Variants in VWC2L observed in about 807,000 individuals in gnomAD.
VWC2L encodes the protein von Willebrand factor C domain-containing protein 2-like.
Under a neutral mutation model 21.6 loss-of-function variants are expected in VWC2L, and 10 were observed. The observed-to-expected ratio is 0.46, with a 90% CI of 0.29 to 0.78. The LOEUF is 0.78. VWC2L is among the 30% of genes least tolerant of loss of function. The pLI is 0.10. For missense variants in VWC2L, 209 were observed against 277.1 expected, an observed-to-expected ratio of 0.75 and a Z score of 1.74; for synonymous variants, 96 against 94.3, an observed-to-expected ratio of 1.02 and a Z score of -0.10.
intron 3 of VWC2L, among the ~76,000 whole-genome samples, chr2:214,464,397 T>C (rs1318747836): frequency 6.6e-6 from 1 of 152,132 alleles, no homozygotes; most frequent in Admixed American, 6.5e-5. Context: ...TGTGGACTCA[T>C]AGAGGTACTG....
chr2:214,544,023 A>G (rs1298754674), intron 3 of VWC2L, among the ~76,000 whole-genome samples: 6 of 152,186 alleles, frequency 3.9e-5, no homozygotes, highest in African/African-American at 9.6e-5. Context: ...CTGCAACCCT[A>G]TGGGGACAAA....
At chr2:214,542,526 A>G (rs1056469617) in intron 3 of VWC2L, among the ~76,000 whole-genome samples, 3 of 152,228 alleles carry the variant, frequency 2.0e-5, no homozygotes, top group African/African-American at 7.2e-5. Flanking sequence ...ATAAATGTGC[A>G]GTTAATGCAA....
At chr2:214,507,657 T>C (rs939654181) in intron 3 of VWC2L, among the ~76,000 whole-genome samples, 1 of 152,192 alleles carries the variant, frequency 6.6e-6, no homozygotes. Flanking sequence ...AATTATTATC[T>C]CTTAATTAGT....
At chr2:214,559,447 G>C (rs1689929228) in intron 3 of VWC2L, among the ~76,000 whole-genome samples, 1 of 152,076 alleles carries the variant, frequency 6.6e-6, no homozygotes, top group Admixed American at 6.6e-5. Flanking sequence ...TTCCACTGCA[G>C]ATAGAAGCTG....
chr2:214,488,758 G>A (rs933898186), intron 3 of VWC2L, among the ~76,000 whole-genome samples: 1 of 152,190 alleles, frequency 6.6e-6, no homozygotes, highest in African/African-American at 2.4e-5. Flanking sequence ...ACAGACTCAG[G>A]CTGTTTCCAC....
At chr2:214,569,170 A>G (rs940164455) in intron 3 of VWC2L, among the ~76,000 whole-genome samples, 1 of 152,172 alleles carries the variant, frequency 6.6e-6, no homozygotes, top group Admixed American at 6.6e-5. Context: ...ACACAGTTCC[A>G]GGGCCTGTGA....
At chr2:214,459,886 A>C (rs1399286952) in intron 3 of VWC2L, among the ~76,000 whole-genome samples, 1 of 84,566 alleles carries the variant, frequency 1.2e-5, no homozygotes, top group African/African-American at 4.7e-5. Context: ...TTCTAGAATT[A>C]TTTCTTTTCC....
chr2:214,539,303 A>G (rs1296481831), intron 3 of VWC2L, among the ~76,000 whole-genome samples: 1 of 152,172 alleles, frequency 6.6e-6, no homozygotes, highest in East Asian at 1.9e-4. Flanking sequence ...ATCACAGAAA[A>G]GTTTATAAAA....
intron 3 of VWC2L, among the ~76,000 whole-genome samples, chr2:214,499,009 CTTTTTTTTT>C (rs56085205): frequency 2.4e-4 from 20 of 83,422 alleles, no homozygotes; most frequent in African/African-American, 7.9e-4. Context: ...TCGTACCATT[CTTTTTTTTT>C]TTTTTTTTTT....
chr2:214,441,560 T>G (rs114131255), intron 3 of VWC2L, among the ~76,000 whole-genome samples: 5,077 of 152,134 alleles, frequency 0.033, 279 homozygotes, highest in African/African-American at 0.12. Flanking sequence ...TGTTATAAAC[T>G]TTTTAAAAGA....
intron 3 of VWC2L, chr2:214,525,284 C>T (rs1414322654): frequency 6.6e-6 from 1 of 152,076 alleles, no homozygotes; most frequent in African/African-American, 2.4e-5. Flanking sequence ...CAGGAGAAGA[C>T]AGGAAGTACA....
intron 3 of VWC2L, among the ~76,000 whole-genome samples, chr2:214,573,303 G>A (rs780748922): frequency 6.6e-6 from 1 of 151,982 alleles, no homozygotes; most frequent in African/African-American, 2.4e-5. Flanking sequence ...TCTGACTGTC[G>A]AATATCCAAA....
chr2:214,507,532 A>C (rs984905448), intron 3 of VWC2L, among the ~76,000 whole-genome samples: 1 of 152,216 alleles, frequency 6.6e-6, no homozygotes, highest in Non-Finnish European at 1.5e-5. Flanking sequence ...GGCATTCCCC[A>C]AGGTCTCCTG....
intron 3 of VWC2L, among the ~76,000 whole-genome samples, chr2:214,571,014 T>G (rs545723345): frequency 2.6e-5 from 4 of 152,324 alleles, no homozygotes; most frequent in African/African-American, 9.6e-5. Context: ...TTCCTTTAGT[T>G]TTAAAATAAA....
intron 2 of VWC2L, among the ~76,000 whole-genome samples, chr2:214,425,054 C>T (rs75321221): frequency 0.051 from 7,726 of 152,282 alleles, 593 homozygotes; most frequent in African/African-American, 0.17. Context: ...CACAGCCATG[C>T]TCATTCACTT....
At chr2:214,453,884 C>T (rs1192597922) in intron 3 of VWC2L, among the ~76,000 whole-genome samples, 4 of 151,870 alleles carry the variant, frequency 2.6e-5, no homozygotes, top group Non-Finnish European at 4.4e-5. Flanking sequence ...CCACACCCAG[C>T]TAATTTTTTG....
intron 2 of VWC2L, among the ~76,000 whole-genome samples, chr2:214,422,415 A>G (rs1702456441): frequency 6.6e-6 from 1 of 152,174 alleles, no homozygotes; most frequent in South Asian, 2.1e-4. Context: ...CCCCATGAAC[A>G]TATTTTCACT....
chr2:214,440,189 A>C (rs1325871443), intron 3 of VWC2L, among the ~76,000 whole-genome samples: 1 of 152,030 alleles, frequency 6.6e-6, no homozygotes, highest in African/African-American at 2.4e-5. Context: ...AAAAACACTA[A>C]GGAAAGATAT....
At chr2:214,559,642 C>T (rs1283303081) in intron 3 of VWC2L, among the ~76,000 whole-genome samples, 1 of 150,062 alleles carries the variant, frequency 6.7e-6, no homozygotes, top group Non-Finnish European at 1.5e-5. Context: ...ATAGATTTTA[C>T]TCTGTTGCCC....
Sources: gnomAD v4.1 joint callset for allele counts (sites outside exome capture counted in the v4.1 genomes callset) on GRCh38, gnomAD v4.1.1 for gene constraint, MANE v1.5 for transcripts, NCBI Gene and HGNC (gene_info 2026-07-23, HGNC 2026-07-21) for gene names.